Variants in ZNF699 observed in about 807,000 individuals in gnomAD.
ZNF699 encodes the protein zinc finger protein 699.
ZNF699 carries 18 observed loss-of-function variants against 22.5 expected under a neutral mutation model. That is an observed-to-expected ratio of 0.80 (90% CI 0.55 to 1.19). ZNF699 has a LOEUF of 1.19. Among genes scored for constraint, ZNF699 ranks in the 50% most tolerant of loss-of-function variants. The probability of loss-of-function intolerance (pLI) is 0.00; values close to 1 mark genes in which losing one functional copy is unlikely to be tolerated. For missense variants in ZNF699, 670 were observed against 763.4 expected, an observed-to-expected ratio of 0.88 and a Z score of 1.44; for synonymous variants, 241 against 262.3, an observed-to-expected ratio of 0.92 and a Z score of 0.78.
intron 1 of ZNF699, among the ~76,000 whole-genome samples, chr19:9,307,060 GC>G (rs2066330191): frequency 6.6e-6 from 1 of 152,170 alleles, no homozygotes; most frequent in South Asian, 2.1e-4. Flanking sequence ...AATCAGCCGG[GC>G]ATGGTGGCGC....
Position 9,296,411 on chromosome 19 carries a change from T to C in ZNF699, c.993A>G (p.Gly331=). Reference sequence around the variant, plus strand: ...ATTCCTTACATTCATATGGCTTATCTCCACTGTGAATTCTTTTGTGTTTGG... The same window carrying C: ...ATTCCTTACATTCATATGGCTTATCCCCACTGTGAATTCTTTTGTGTTTGG... ...SLSKHKRIHS[G]DKPYECKECG... The change falls in exon 6 of 6, where the codon GGA becomes GGG. Residue 331 remains glycine, a synonymous_variant. Transcript: ENST00000591998. 6.2e-7 allele frequency: 1 copy of C among 1,614,096 alleles called. No individual in the cohort carries two copies. The highest frequency in any genetic ancestry group is 1.1e-5 in the South Asian group (1 of 91,082).
rs2066267496 is a variant in ZNF699 at position 9,292,107 on chromosome 19, C to G, written c.*3368G>C. On this transcript the variant is annotated 3_prime_UTR_variant, in exon 6 of 6. Coordinates refer to ENST00000591998, the MANE Select transcript of ZNF699 (RefSeq NM_198535.3). ...ACCCTGGCTGAGTTCCCAGACTTCA[C>G]AGTTCCCACTTGCTGCTAAGACCAG... Among the ~76,000 whole-genome samples the G allele has an allele frequency of 6.6e-6, 1 of 152,168 alleles. No individual in the cohort carries two copies. The highest frequency in any genetic ancestry group is 2.1e-4 in the South Asian group (1 of 4,832).
intron 1 of ZNF699, 32 bp from the exon 2 acceptor site, chr19:9,305,156 T>A: frequency 6.2e-7 from 1 of 1,602,852 alleles, no homozygotes; most frequent in East Asian, 2.2e-5. Context: ...ATTGAGAAGT[T>A]AGAATTAAAA....
At chr19:9,302,955 C>G (rs1599253406) in intron 2 of ZNF699, among the ~76,000 whole-genome samples, 1 of 151,808 alleles carries the variant, frequency 6.6e-6, no homozygotes, top group African/African-American at 2.4e-5. Context: ...GCTTGAGCCA[C>G]AAGGTTGAGG....
In ZNF699 at chr19:9,296,405, C is replaced by T; in HGVS notation, c.999G>A (p.Lys333=). Residue 333 remains lysine, a synonymous_variant, in exon 6 of 6, where the codon AAG becomes AAA. Transcript: ENST00000591998. The stretch of plus-strand genomic sequence containing the variant: ...TCCCACATTCCTTACATTCATATGG[C>T]TTATCTCCACTGTGAATTCTTTTGT... ...SKHKRIHSGD[K]PYECKECGKA... 6.2e-7 allele frequency: 1 copy of T among 1,612,386 alleles called. No homozygotes were observed. The highest frequency in any genetic ancestry group is 8.5e-7 in the Non-Finnish European group (1 of 1,179,484).
At position 9,296,263 on chromosome 19, in the gene ZNF699, G is replaced by A. The variant is rs753331021; in HGVS notation, c.1141C>T (p.His381Tyr). The A allele has an allele frequency of 3.7e-6, 6 of 1,613,972 alleles. No homozygotes were observed. In the South Asian group the frequency reaches 6.6e-5, roughly 18 times the overall value. ...TTCTCTCCAGTATGTGTCCTCCCAT[G>A]TACAGTGAGTTTTGAGGACTCGCTG... ...AFSESSKLTVHGRTHTGEKPY... is the reference protein window; with the variant it reads ...AFSESSKLTVYGRTHTGEKPY... The change falls in exon 6 of 6, where the codon CAT (histidine) becomes TAT (tyrosine). Residue 381 changes from histidine (H) to tyrosine (Y), a missense_variant. His to Tyr is a moderately conservative substitution (Grantham distance 83, BLOSUM62 2). Transcript: ENST00000591998.
chr19:9,292,087 G>T lies in ZNF699; in HGVS notation c.*3388C>A, dbSNP rs1456104365. Among the ~76,000 whole-genome samples, 1 of 152,058 alleles carries T rather than the reference G, an allele frequency of 6.6e-6. No homozygotes were observed. Among genetic ancestry groups the T allele is most frequent in the African/African-American group, 2.4e-5 (1 of 41,396 alleles). On this transcript the variant is annotated 3_prime_UTR_variant, in exon 6 of 6. Transcript: ENST00000591998. ...TGCTATCTAGGAACTACCTAACCCTGGCTGAGTTCCCAGACTTCACAGTTC... is the reference window on the plus strand; with the variant it reads ...TGCTATCTAGGAACTACCTAACCCTTGCTGAGTTCCCAGACTTCACAGTTC...
At position 9,297,482 on chromosome 19, in the gene ZNF699, G is replaced by A; in HGVS notation, c.287-3C>T. On this transcript the variant is annotated splice_polypyrimidine_tract_variant and splice_region_variant and intron_variant, in intron 4 of 5. Transcript: ENST00000591998. This position sits in a 1 kb window ranked among gnomAD's most constrained non-coding sequence, Gnocchi z 4.3. ...AGTTTTAAGTTGAGTCTCAAAACCTGAAACGAAAAAAAGTGAAAGCTTCCA... is the reference window on the plus strand; with the variant it reads ...AGTTTTAAGTTGAGTCTCAAAACCTAAAACGAAAAAAAGTGAAAGCTTCCA... 6.5e-7 allele frequency: 1 copy of A among 1,550,030 alleles called. No homozygotes were observed. Among genetic ancestry groups the A allele is most frequent in the African/African-American group, 1.4e-5 (1 of 71,308 alleles).
Position 9,295,536 on chromosome 19 carries a change from G to T in ZNF699, c.1868C>A (p.Ala623Asp). 6.2e-7 allele frequency: 1 copy of T among 1,614,010 alleles called. No individual in the cohort carries two copies. Among genetic ancestry groups the T allele is most frequent in the Non-Finnish European group, 8.5e-7 (1 of 1,179,934 alleles). ...TCGAAAGTAGGCAGGACAAACAAAG[G>T]CTTTCCCACATTCCTTACATTCATA... is the stretch of plus-strand genomic sequence containing the variant. ...KPYECKECGKAFVCPAYFRRH... is the reference protein window; with the variant it reads ...KPYECKECGKDFVCPAYFRRH... The change falls in exon 6 of 6, where the codon GCC becomes GAC. Residue 623 changes from alanine to aspartate, a missense_variant. Coordinates refer to ENST00000591998, the MANE Select transcript of ZNF699 (RefSeq NM_198535.3).
Position 9,298,950 on chromosome 19 carries a change from A to G in ZNF699, c.176-960T>C, listed in dbSNP as rs552871827. 3.3e-5 allele frequency among the ~76,000 whole-genome samples: 5 copies of G among 152,330 alleles called. No homozygotes were observed. In the South Asian group the frequency reaches 6.2e-4, roughly 19 times the overall value. The stretch of plus-strand genomic sequence containing the variant: ...GGAGAAAAGCTAAGTCTTTCCCACA[A>G]TTGGTACTGGAACAACTGGACATCC... On this transcript the variant is annotated intron_variant, in intron 3 of 5. Transcript: ENST00000591998.
chr19:9,303,765 T>A (rs2066316597), intron 2 of ZNF699, among the ~76,000 whole-genome samples: 1 of 151,914 alleles, frequency 6.6e-6, no homozygotes, highest in Non-Finnish European at 1.5e-5. Context: ...CTCTAGAGAT[T>A]ACAAGGGTTT....
intron 3 of ZNF699, among the ~76,000 whole-genome samples, chr19:9,302,103 T>G (rs910059347): frequency 6.6e-6 from 1 of 152,040 alleles, no homozygotes; most frequent in African/African-American, 2.4e-5. Flanking sequence ...GGTTTCTCCA[T>G]GTTGGTCAGG....
chr19:9,298,444 T>TC (rs1220462636), intron 3 of ZNF699, among the ~76,000 whole-genome samples: 1 of 141,816 alleles, frequency 7.1e-6, no homozygotes, highest in Non-Finnish European at 1.5e-5. Flanking sequence ...AGACTCTATC[T>TC]CAAAAAAAAA....
In ZNF699 at chr19:9,302,388, C is replaced by G. The variant is rs368144253; in HGVS notation, c.165G>C (p.Leu55=). 149 of 1,613,756 alleles carry G rather than the reference C, an allele frequency of 9.2e-5. No homozygotes were observed. In the African/African-American group the frequency reaches 1.9e-3, roughly 20 times the overall value. Residue 55 remains leucine, a synonymous_variant, in exon 3 of 6, where the codon CTG becomes CTC. Transcript: ENST00000591998. The part of the protein sequence containing the change: ...RDVMLENFQN[L]ASLGYPLHTP... ...TCTTGCCATTCTTACCTAGTGAGGC[C>G]AGGTTCTGGAAGTTTTCCAGCATCA...
At chr19:9,302,629 A>G in intron 2 of ZNF699, 125 bp from the exon 3 acceptor site, 1 of 990,498 alleles carries the variant, frequency 1.0e-6, no homozygotes, top group Non-Finnish European at 1.5e-6. Context: ...AGATCCCAGC[A>G]TCTACTCTAG....
intron 3 of ZNF699, among the ~76,000 whole-genome samples, chr19:9,300,122 C>T (rs1365809417): frequency 6.6e-6 from 1 of 152,176 alleles, no homozygotes; most frequent in Admixed American, 6.5e-5. Context: ...GCTCTGTCGC[C>T]CAGGCTGGAG....
In ZNF699 at chr19:9,293,443, G is replaced by A. The variant is rs1295435227; in HGVS notation, c.*2032C>T. Among the ~76,000 whole-genome samples, 1 of 152,082 alleles carries A rather than the reference G, an allele frequency of 6.6e-6. No homozygotes were observed. The highest frequency in any genetic ancestry group is 1.5e-5 in the Non-Finnish European group (1 of 68,034). ...CAGTAAATTCATTCCTGAGCATATA[G>A]CACATACCAAGATAAATAAGCCCAT... is the stretch of plus-strand genomic sequence containing the variant. On this transcript the variant is annotated 3_prime_UTR_variant, in exon 6 of 6. Transcript: ENST00000591998.
Position 9,296,857 on chromosome 19 carries a change from G to T in ZNF699, c.547C>A (p.Leu183Ile). The change falls in exon 6 of 6, where the codon CTT (leucine) becomes ATT (isoleucine). Residue 183 changes from leucine (L) to isoleucine (I), a missense_variant. By Grantham distance (5) the Leu-to-Ile change is conservative (BLOSUM62 2). Coordinates refer to ENST00000591998, the MANE Select transcript of ZNF699 (RefSeq NM_198535.3). ...DGQTFSQVPNLDSLKRNTEVK... is the reference protein window; with the variant it reads ...DGQTFSQVPNIDSLKRNTEVK... The stretch of plus-strand genomic sequence containing the variant: ...TCAGTATTTCTCTTGAGTGAATCAA[G>T]ATTTGGAACTTGGCTGAAAGTCTGT... The T allele has an allele frequency of 2.5e-6, 4 of 1,614,106 alleles. No homozygotes were observed. The highest frequency in any genetic ancestry group is 3.4e-6 in the Non-Finnish European group (4 of 1,179,998).
chr19:9,303,821 C>CTT (rs144086110), intron 2 of ZNF699, among the ~76,000 whole-genome samples: 4 of 136,224 alleles, frequency 2.9e-5, no homozygotes, highest in Non-Finnish European at 3.1e-5. Context: ...AAATTGTTTT[C>CTT]TTTTTTTTTT....
Sources: gnomAD v4.1 joint callset for allele counts (sites outside exome capture counted in the v4.1 genomes callset) on GRCh38, gnomAD v4.1.1 for gene constraint, Gnocchi (gnomAD v3.1) non-coding constraint, MANE v1.5 for transcripts, NCBI Gene and HGNC (gene_info 2026-07-23, HGNC 2026-07-21) for gene names.